The following DYM variants were observed in gnomAD, a reference collection of about 807,000 sequenced individuals.
DYM encodes the protein dymeclin, also known as dyggve-Melchior-Clausen syndrome protein.
DYM carries 78 observed loss-of-function variants against 93.1 expected under a neutral mutation model. The observed-to-expected ratio is 0.84, with a 90% CI of 0.70 to 1.01. The LOEUF is 1.01. Ranked by LOEUF, DYM falls within the 50% of genes least tolerant of loss-of-function variation. The pLI is 0.00. For missense variants in DYM, 789 were observed against 845.0 expected, an observed-to-expected ratio of 0.93 and a Z score of 0.82; for synonymous variants, 321 against 319.7, an observed-to-expected ratio of 1.00 and a Z score of -0.04.
chr18:49,312,984 C>T (rs1027796484), intron 8 of DYM, among the ~76,000 whole-genome samples: 1 of 152,112 alleles, frequency 6.6e-6, no homozygotes, highest in Admixed American at 6.5e-5. Flanking sequence ...TATGTACATG[C>T]ACTTGTAATT....
chr18:49,329,698 A>T (rs996785185), intron 8 of DYM: 1 of 152,266 alleles, frequency 6.6e-6, no homozygotes, highest in African/African-American at 2.4e-5. Flanking sequence ...GTTTTCTACA[A>T]CAAGGCACTC....
At chr18:49,200,096 C>T (rs190048081) in intron 14 of DYM, among the ~76,000 whole-genome samples, 27 of 152,096 alleles carry the variant, frequency 1.8e-4, no homozygotes, top group Non-Finnish European at 2.8e-4. Context: ...TGTAAACCAC[C>T]GCAGTTCTTT....
intron 13 of DYM, among the ~76,000 whole-genome samples, chr18:49,244,824 C>A (rs2094126460): frequency 6.6e-6 from 1 of 152,182 alleles, no homozygotes; most frequent in African/African-American, 2.4e-5. Flanking sequence ...AGAATTTCAT[C>A]ATTCATTCAA....
intron 13 of DYM, among the ~76,000 whole-genome samples, chr18:49,238,722 G>A (rs1053484642): frequency 6.6e-6 from 1 of 151,564 alleles, no homozygotes; most frequent in Admixed American, 6.6e-5. Flanking sequence ...AACCCAGGAG[G>A]CAGAGGTTGC....
chr18:49,313,484 A>AAG (rs2061733144), intron 8 of DYM, among the ~76,000 whole-genome samples: 2 of 144,956 alleles, frequency 1.4e-5, no homozygotes, highest in African/African-American at 5.2e-5. Flanking sequence ...AAAAAAAAAA[A>AAG]AAAAAAAAAA....
At chr18:49,215,767 G>A (rs1260888796) in intron 13 of DYM, among the ~76,000 whole-genome samples, 4 of 152,182 alleles carry the variant, frequency 2.6e-5, no homozygotes, top group Non-Finnish European at 5.9e-5. Context: ...AAAGAAGCTG[G>A]CAGCCAAGAT....
At chr18:49,325,348 T>TA (rs2062807510) in intron 8 of DYM, among the ~76,000 whole-genome samples, 1 of 152,222 alleles carries the variant, frequency 6.6e-6, no homozygotes, top group Admixed American at 6.5e-5. Flanking sequence ...AATCCCTAGT[T>TA]ACATTCACTT....
intron 8 of DYM, among the ~76,000 whole-genome samples, chr18:49,322,981 T>C (rs1234981872): frequency 6.6e-6 from 1 of 152,152 alleles, no homozygotes; most frequent in Non-Finnish European, 1.5e-5. Flanking sequence ...CAATTCCAGG[T>C]CTACCTAACA....
At chr18:49,065,637 C>T (rs1178530143) in intron 17 of DYM, among the ~76,000 whole-genome samples, 1 of 152,062 alleles carries the variant, frequency 6.6e-6, no homozygotes, top group Non-Finnish European at 1.5e-5. Flanking sequence ...GCTGGGATTA[C>T]AGGCATGAGC....
chr18:49,293,358 C>T (rs991767723), intron 8 of DYM, among the ~76,000 whole-genome samples: 4 of 152,044 alleles, frequency 2.6e-5, no homozygotes, highest in Non-Finnish European at 4.4e-5. Flanking sequence ...GGGATTGCTG[C>T]GTCAAATGGT....
chr18:49,187,460 A>C (rs896980942), intron 14 of DYM, among the ~76,000 whole-genome samples: 1 of 152,220 alleles, frequency 6.6e-6, no homozygotes, highest in African/African-American at 2.4e-5. Context: ...TAATGAGCTA[A>C]GGCATTAGAA....
chr18:49,093,647 A>G (rs1363860252), intron 17 of DYM, among the ~76,000 whole-genome samples: 1 of 152,150 alleles, frequency 6.6e-6, no homozygotes, highest in East Asian at 1.9e-4. Context: ...CCACAGGTAG[A>G]GATACACGAG....
chr18:49,388,913 CAAAAAAAAAA>C lies in DYM; in HGVS notation c.193+2670_193+2679del, dbSNP rs59658815. ...AGAAAAAAAATAGCACATTTTCAGA[CAAAAAAAAAA>C]AAAAAGAAAAAAGAGAAGGAAAATT... On this transcript the variant is annotated intron_variant, in intron 3 of 17. Coordinates refer to ENST00000675505, the MANE Select transcript of DYM (RefSeq NM_001353214.3). Among the ~76,000 whole-genome samples the C allele has an allele frequency of 1.2e-4, 16 of 129,052 alleles. 1 individual carries two copies. The highest frequency in any genetic ancestry group is 1.7e-4 in the Non-Finnish European group (10 of 60,488). The allele number at this position is 129,052 out of a possible 152,430, so 84.7% of individuals were successfully genotyped here.
intron 2 of DYM, among the ~76,000 whole-genome samples, chr18:49,400,130 G>A (rs902477306): frequency 1.3e-5 from 2 of 151,264 alleles, no homozygotes; most frequent in African/African-American, 4.9e-5. Flanking sequence ...TAGTAGAGAC[G>A]ACGTTTCACC....
chr18:49,144,961 G>A (rs1220826111), intron 15 of DYM, among the ~76,000 whole-genome samples: 4 of 150,738 alleles, frequency 2.7e-5, no homozygotes, highest in East Asian at 3.9e-4. Context: ...TTAGTTGAGC[G>A]TGGTGATGCG....
chr18:49,276,473 G>C (rs1204201199), intron 10 of DYM, among the ~76,000 whole-genome samples: 1 of 151,960 alleles, frequency 6.6e-6, no homozygotes, highest in African/African-American at 2.4e-5. Context: ...AATTCTGAAA[G>C]AACTATCTAA....
Position 49,391,579 on chromosome 18 carries a change from T to G in DYM, c.193+14A>C. ...ATTTGAAAACAACACCCCACACACA[T>G]TTTTCCCACTTACCTAATGACCTGC... On this transcript the variant is annotated intron_variant, in intron 3 of 17. Transcript: ENST00000675505. 1 of 1,611,820 alleles carries G rather than the reference T, an allele frequency of 6.2e-7. No homozygotes were observed. Among genetic ancestry groups the G allele is most frequent in the Non-Finnish European group, 8.5e-7 (1 of 1,178,270 alleles).
chr18:49,141,984 G>A (rs186022331), intron 15 of DYM, among the ~76,000 whole-genome samples: 39 of 151,446 alleles, frequency 2.6e-4, no homozygotes, highest in Non-Finnish European at 4.7e-4. Flanking sequence ...CTCCTGAGTA[G>A]CTGGGACTAC....
At position 49,043,989 on chromosome 18, in the gene DYM, C is replaced by T. The variant is rs2071131230; in HGVS notation, c.*66G>A. On this transcript the variant is annotated 3_prime_UTR_variant, in exon 18 of 18. Transcript: ENST00000675505. The stretch of plus-strand genomic sequence containing the variant: ...GTAACCTGTCTGTCTACTTCTGTTA[C>T]CCAGAAATAAAAGAACTTGAAGGGC... 3.2e-6 allele frequency: 5 copies of T among 1,585,048 alleles called. No homozygotes were observed. In the Admixed American group the frequency reaches 5.1e-5, roughly 16 times the overall value.
Sources: allele counts gnomAD v4.1 joint callset (sites outside exome capture counted in the v4.1 genomes callset), GRCh38; gene constraint gnomAD v4.1.1; transcripts MANE v1.5; gene names NCBI Gene and HGNC (gene_info 2026-07-23, HGNC 2026-07-21).